Variants in CCDC127 observed in about 807,000 individuals in gnomAD.
The protein encoded by CCDC127 is coiled-coil domain-containing protein 127.
A neutral mutation model predicts 4.1 loss-of-function variants in CCDC127; 2 were observed. That is an observed-to-expected ratio of 0.49 (90% CI 0.20 to 1.53). The LOEUF (loss-of-function observed/expected upper bound fraction) is 1.53, where lower values mean the gene tolerates loss of function less well. CCDC127 is among the 40% of genes most tolerant of loss of function. The probability of loss-of-function intolerance (pLI) is 0.23; values close to 1 mark genes in which losing one functional copy is unlikely to be tolerated. For missense variants in CCDC127, 271 were observed against 322.9 expected, an observed-to-expected ratio of 0.84 and a Z score of 1.23; for synonymous variants, 98 against 120.4, an observed-to-expected ratio of 0.81 and a Z score of 1.22.
rs1733955386 is a variant in CCDC127, at chr5:196,930, ACCGGCCTCTGAGTT to A, written c.*8353_*8366del. The A allele has an allele frequency of 7.8e-6, 1 of 127,808 alleles. No homozygotes were observed. The highest frequency in any genetic ancestry group is 7.8e-5 in the Admixed American group (1 of 12,808). 7.9% of individuals were successfully genotyped at this position (127,808 alleles called of 1,614,324 possible). The stretch of plus-strand genomic sequence containing the variant: ...CAGCATACCAAGGACCTGCACTGGC[ACCGGCCTCTGAGTT>A]CCCTCAGTTTTTATTATTATTTTCA... On this transcript the variant is annotated 3_prime_UTR_variant, in exon 3 of 3. Transcript: ENST00000296824.
chr5:217,631 G>A (rs891820423), intron 1 of CCDC127, among the ~76,000 whole-genome samples: 35 of 151,984 alleles, frequency 2.3e-4, no homozygotes, highest in Non-Finnish European at 4.1e-4. Flanking sequence ...GGAAGGCAGG[G>A]AGGGGTGATG....
chr5:213,522 C>T (rs371290495), intron 2 of CCDC127, among the ~76,000 whole-genome samples: 3 of 138,684 alleles, frequency 2.2e-5, no homozygotes, highest in African/African-American at 2.9e-5. Context: ...AGTGTGAGCA[C>T]GCTGATGCTC....
rs1214566215 is a variant in CCDC127 at position 203,003 on chromosome 5, T to C, written c.*2294A>G. 1 of 151,994 alleles carries C rather than the reference T, an allele frequency of 6.6e-6. No homozygotes were observed. The allele number at this position is 151,994 out of a possible 1,614,324, so 9.4% of individuals were successfully genotyped here. On this transcript the variant is annotated 3_prime_UTR_variant, in exon 3 of 3. Transcript: ENST00000296824. ...ATCCCAGTGCTGTGGGAGGCCGAGG[T>C]GGGGGCGGTGGATCACCTGAGGTCA...
rs1204293552 is a variant in CCDC127, at chr5:196,999, G to T, written c.*8298C>A. On this transcript the variant is annotated 3_prime_UTR_variant, in exon 3 of 3. Transcript: ENST00000296824. The stretch of plus-strand genomic sequence containing the variant: ...TTCAGCAAAAAGGAATGTAGTAGGA[G>T]AGCAGGGTGATAATAAGGAGGAGGT... The T allele has an allele frequency of 6.0e-5, 9 of 151,188 alleles. No homozygotes were observed. Among genetic ancestry groups the T allele is most frequent in the Non-Finnish European group, 1.0e-4 (7 of 67,936 alleles). 9.4% of individuals were successfully genotyped at this position (151,188 alleles called of 1,614,324 possible). A position where few individuals can be genotyped will look rare whatever the true frequency, so the allele number is the denominator to read the frequency against.
chr5:213,648 G>C (rs1217033075), intron 2 of CCDC127, among the ~76,000 whole-genome samples: 1 of 152,010 alleles, frequency 6.6e-6, no homozygotes, highest in African/African-American at 2.4e-5. Flanking sequence ...GCCACGATGA[G>C]ACAGCACCAC....
rs191110020 is a variant in CCDC127 at position 197,069 on chromosome 5, C to G, written c.*8228G>C. On this transcript the variant is annotated 3_prime_UTR_variant, in exon 3 of 3. Coordinates refer to ENST00000296824, the MANE Select transcript of CCDC127 (RefSeq NM_145265.3). The stretch of plus-strand genomic sequence containing the variant: ...AAAGAATCTATGTCGTAATTAAGTT[C>G]AAGGGAAGGTACTATGCCTGGACGT... The G allele has an allele frequency of 6.6e-6, 1 of 151,276 alleles. No individual in the cohort carries two copies. Among genetic ancestry groups the G allele is most frequent in the South Asian group, 2.1e-4 (1 of 4,792 alleles). 9.4% of individuals were successfully genotyped at this position (151,276 alleles called of 1,614,324 possible).
At chr5:209,103 G>A (rs1247177598) in intron 2 of CCDC127, among the ~76,000 whole-genome samples, 2 of 152,150 alleles carry the variant, frequency 1.3e-5, no homozygotes, top group South Asian at 4.2e-4. Flanking sequence ...CACAAACACA[G>A]AAACAACCCT....
rs1734066744 is a variant in CCDC127, at chr5:201,022, GTGT to G, written c.*4272_*4274del. The stretch of plus-strand genomic sequence containing the variant: ...AGGCTGCCCCCATCACAGCCAGCCA[GTGT>G]CTACACAGCAGGCTGCCCCCCATCA... On this transcript the variant is annotated 3_prime_UTR_variant, in exon 3 of 3. Coordinates refer to ENST00000296824, the MANE Select transcript of CCDC127 (RefSeq NM_145265.3). The G allele has an allele frequency of 1.5e-4, 3 of 20,472 alleles. No individual in the cohort carries two copies. The highest frequency in any genetic ancestry group is 2.2e-4 in the African/African-American group (2 of 9,296). 1.3% of individuals were successfully genotyped at this position (20,472 alleles called of 1,614,324 possible).
At chr5:210,166 T>C (rs1200848222) in intron 2 of CCDC127, among the ~76,000 whole-genome samples, 2 of 152,208 alleles carry the variant, frequency 1.3e-5, no homozygotes, top group African/African-American at 4.8e-5. Flanking sequence ...CTCAAATGGG[T>C]AAGGGCTTAA....
Position 205,581 on chromosome 5 carries a change from T to C in CCDC127, c.499A>G (p.Thr167Ala). Residue 167 changes from threonine (T) to alanine (A), a missense_variant, in exon 3 of 3, where the codon ACA (threonine) becomes GCA (alanine). Physicochemically the swap from Thr to Ala is moderately conservative, Grantham distance 58 (BLOSUM62 0). Around this residue, in one of 2 missense-constraint regions of CCDC127, gnomAD observed 265 missense variants for 270.9 expected, o/e 0.98. Coordinates refer to ENST00000296824, the MANE Select transcript of CCDC127 (RefSeq NM_145265.3). ...CTGCAGTAGATATTCTGTCTTTCTG[T>C]GAGAACAGCTTCAAATTCTTTCAGC... ...LLLKEFEAVL[T>A]ERQNIYCSLF... 1 of 1,614,260 alleles carries C rather than the reference T, an allele frequency of 6.2e-7. No homozygotes were observed. The highest frequency in any genetic ancestry group is 8.5e-7 in the Non-Finnish European group (1 of 1,180,052).
rs1027766418 is a variant in CCDC127, at chr5:203,363, A to G, written c.*1934T>C. On this transcript the variant is annotated 3_prime_UTR_variant, in exon 3 of 3. Coordinates refer to ENST00000296824, the MANE Select transcript of CCDC127 (RefSeq NM_145265.3). ...GCACCCTTAGCCATCACACCACTGC[A>G]CTCCTGCCTGGGTGAAGCATCTGAG... The G allele has an allele frequency of 1.3e-5, 2 of 152,180 alleles. No individual in the cohort carries two copies. Among genetic ancestry groups the G allele is most frequent in the Non-Finnish European group, 2.9e-5 (2 of 68,066 alleles). 9.4% of individuals were successfully genotyped at this position (152,180 alleles called of 1,614,324 possible).
Position 197,070 on chromosome 5 carries a change from A to G in CCDC127, c.*8227T>C, listed in dbSNP as rs990021463. On this transcript the variant is annotated 3_prime_UTR_variant, in exon 3 of 3. Coordinates refer to ENST00000296824, the MANE Select transcript of CCDC127 (RefSeq NM_145265.3). ...AAGAATCTATGTCGTAATTAAGTTCAAGGGAAGGTACTATGCCTGGACGTG... is the reference window on the plus strand; with the variant it reads ...AAGAATCTATGTCGTAATTAAGTTCGAGGGAAGGTACTATGCCTGGACGTG... 4.6e-5 allele frequency: 7 copies of G among 151,326 alleles called. No homozygotes were observed. The East Asian group carries it at 1.2e-3, about 25-fold the overall frequency. 9.4% of individuals were successfully genotyped at this position (151,326 alleles called of 1,614,324 possible).
At position 205,500 on chromosome 5, in the gene CCDC127, C is replaced by G. The variant is rs1357872624; in HGVS notation, c.580G>C (p.Ala194Pro). 1 of 1,613,866 alleles carries G rather than the reference C, an allele frequency of 6.2e-7. No homozygotes were observed. Among genetic ancestry groups the G allele is most frequent in the Non-Finnish European group, 8.5e-7 (1 of 1,179,844 alleles). ...LEIEKSLLVRASVDPVAADLE... is the reference protein window; with the variant it reads ...LEIEKSLLVRPSVDPVAADLE... ...TCAGCGGCGACGGGGTCGACGGACG[C>G]TCGCACCAGTAAGCTCTTCTCTATC... The change falls in exon 3 of 3, where the codon GCG (alanine) becomes CCG (proline). Residue 194 changes from alanine (A) to proline (P), a missense_variant. By Grantham distance (27) the Ala-to-Pro change is conservative. This residue lies in a region of CCDC127 where 265 missense variants were observed against 270.9 expected (regional missense o/e 0.98). Transcript: ENST00000296824.
chr5:217,252 G>T (rs1394416119), intron 1 of CCDC127: 1 of 180,134 alleles, frequency 5.6e-6, no homozygotes, highest in Non-Finnish European at 1.2e-5. Context: ...AGTGCAGGTA[G>T]AATCAGGTAA....
rs115815168 is a variant in CCDC127, at chr5:203,783, T to C, written c.*1514A>G. On this transcript the variant is annotated 3_prime_UTR_variant, in exon 3 of 3. Coordinates refer to ENST00000296824, the MANE Select transcript of CCDC127 (RefSeq NM_145265.3). ...CCCGGGCTCAGACTGGCTCCAACAC[T>C]ACTACCTGCGTGACCTCAGGCAGGT... 1,227 of 152,342 alleles carry C rather than the reference T, an allele frequency of 8.1e-3. 11 individuals are homozygous for C. Among genetic ancestry groups the C allele is most frequent in the Non-Finnish European group, 0.011 (732 of 68,072 alleles). The allele number at this position is 152,342 out of a possible 1,614,324, so 9.4% of individuals were successfully genotyped here.
intron 2 of CCDC127, among the ~76,000 whole-genome samples, chr5:213,375 T>G (rs565672600): frequency 4.3e-4 from 11 of 25,430 alleles, no homozygotes; most frequent in South Asian, 1.3e-3. Context: ...ACTGCAGCCA[T>G]GACGAGACAG....
intron 2 of CCDC127, among the ~76,000 whole-genome samples, chr5:207,278 A>C (rs1379262123): frequency 6.6e-6 from 1 of 152,102 alleles, no homozygotes; most frequent in Non-Finnish European, 1.5e-5. Context: ...CCTCAACCAA[A>C]AATAGCTGCT....
intron 2 of CCDC127, among the ~76,000 whole-genome samples, chr5:208,526 G>C (rs1478300440): frequency 1.3e-5 from 2 of 152,356 alleles, no homozygotes; most frequent in Non-Finnish European, 1.5e-5. Flanking sequence ...ATGGGCAAAG[G>C]CTGGATGGAG....
At chr5:206,959 G>C (rs1022561144) in intron 2 of CCDC127, among the ~76,000 whole-genome samples, 1 of 151,992 alleles carries the variant, frequency 6.6e-6, no homozygotes, top group Non-Finnish European at 1.5e-5. Flanking sequence ...CTAACTGTGG[G>C]ACTCCCTCGT....
Sources: gnomAD v4.1 joint callset for allele counts (sites outside exome capture counted in the v4.1 genomes callset) on GRCh38, gnomAD v4.1.1 for gene constraint, gnomAD v4.1.1 regional missense constraint, MANE v1.5 for transcripts, NCBI Gene and HGNC (gene_info 2026-07-23, HGNC 2026-07-21) for gene names.